ARHGEF28: variants seen among roughly 807,000 people sequenced by gnomAD.
ARHGEF28 encodes the protein Rho guanine nucleotide exchange factor 28.
ARHGEF28 carries 152 observed loss-of-function variants against 206.6 expected under a neutral mutation model. That is an observed-to-expected ratio of 0.74 (90% confidence interval 0.64 to 0.84). The LOEUF (loss-of-function observed/expected upper bound fraction) is 0.84. Among genes scored for constraint, ARHGEF28 ranks in the 40% least tolerant of loss-of-function variants. ARHGEF28 has a pLI of 0.00. For synonymous variants in ARHGEF28, 763 were observed against 776.4 expected, an observed-to-expected ratio of 0.98 and a Z score of 0.29; for missense variants, 2,028 against 2,073.2, an observed-to-expected ratio of 0.98 and a Z score of 0.42.
intron 2 of ARHGEF28, among the ~76,000 whole-genome samples, chr5:73,713,280 T>G (rs947796233): frequency 2.6e-5 from 4 of 152,220 alleles, no homozygotes; most frequent in African/African-American, 9.6e-5. Flanking sequence ...TCCTAGGTCT[T>G]CTCTCTATTT....
intron 2 of ARHGEF28, among the ~76,000 whole-genome samples, chr5:73,694,396 C>T (rs1490349752): frequency 1.3e-5 from 2 of 152,202 alleles, no homozygotes; most frequent in East Asian, 3.9e-4. Flanking sequence ...TCAGTGACAG[C>T]TCCCACAATT....
At chr5:73,647,590 C>T (rs926128302) in intron 1 of ARHGEF28, among the ~76,000 whole-genome samples, 1 of 152,218 alleles carries the variant, frequency 6.6e-6, no homozygotes, top group Non-Finnish European at 1.5e-5. Flanking sequence ...GTATTTTTAA[C>T]CTACTATATC....
At position 73,879,498 on chromosome 5, in the gene ARHGEF28, G is replaced by A. The variant is rs576538152; in HGVS notation, c.2815-2974G>A. On this transcript the variant is annotated intron_variant, in intron 22 of 35. Coordinates refer to ENST00000513042, the MANE Select transcript of ARHGEF28 (RefSeq NM_001177693.2). ...TGCATTCCTTTGGAGGAGGAGAGGC[G>A]CTCTGCTTTTTAGAGTTTCCAGTTT... 2.9e-3 allele frequency among the ~76,000 whole-genome samples: 435 copies of A among 152,308 alleles called. 1 individual carries two copies. The highest frequency in any genetic ancestry group is 6.8e-3 in the Middle Eastern group (2 of 294).
chr5:73,860,161 GTTC>G lies in ARHGEF28; in HGVS notation c.2047+1945_2047+1947del, dbSNP rs1759308565. On this transcript the variant is annotated intron_variant, in intron 16 of 35. Transcript: ENST00000513042. ...TAATACTGGGTACGCGCAGAAATTAGTTCTTGGGCACTTGTTCATTTTTCCTTG... is the reference window on the plus strand; with the variant it reads ...TAATACTGGGTACGCGCAGAAATTAGTTGGGCACTTGTTCATTTTTCCTTG... Among the ~76,000 whole-genome samples the G allele has an allele frequency of 2.0e-5, 3 of 152,240 alleles. No homozygotes were observed. In the South Asian group the frequency reaches 6.2e-4, roughly 32 times the overall value.
chr5:73,681,687 TG>T (rs1232498060), intron 1 of ARHGEF28, among the ~76,000 whole-genome samples: 1 of 152,054 alleles, frequency 6.6e-6, no homozygotes, highest in Non-Finnish European at 1.5e-5. Flanking sequence ...TGGTGGTGCA[TG>T]CCTGTAATAC....
chr5:73,684,999 C>G (rs1427552779), intron 2 of ARHGEF28, 115 bp downstream of exon 2: 9 of 1,083,246 alleles, frequency 8.3e-6, no homozygotes, highest in Non-Finnish European at 1.2e-5. Context: ...TTTTTAAAAA[C>G]AACACACTGA....
intron 4 of ARHGEF28, among the ~76,000 whole-genome samples, chr5:73,759,266 T>C (rs1752477315): frequency 6.6e-6 from 1 of 152,140 alleles, no homozygotes. Flanking sequence ...ATCCAGAAAT[T>C]AGAGAAATGA....
intron 22 of ARHGEF28, among the ~76,000 whole-genome samples, chr5:73,882,073 G>A (rs1373574880): frequency 9.1e-6 from 1 of 110,152 alleles, no homozygotes; most frequent in Non-Finnish European, 1.9e-5. Flanking sequence ...AATGTCAAAT[G>A]AGTGATTTTT....
chr5:73,870,063 C>T lies in ARHGEF28; in HGVS notation c.2426-6C>T, dbSNP rs372771145. The T allele has an allele frequency of 6.2e-7, 1 of 1,611,060 alleles. No homozygotes were observed. Among genetic ancestry groups the T allele is most frequent in the African/African-American group, 1.3e-5 (1 of 74,616 alleles). Reference sequence around the variant, plus strand: ...TTCTGGCTTTTCTTTTCTAAACACACATTAGATGTTGTGGATTCTTCTCTG... The same window carrying T: ...TTCTGGCTTTTCTTTTCTAAACACATATTAGATGTTGTGGATTCTTCTCTG... On this transcript the variant is annotated splice_region_variant and splice_polypyrimidine_tract_variant and intron_variant, in intron 20 of 35. Transcript: ENST00000513042.
intron 31 of ARHGEF28, chr5:73,902,410 G>A (rs1762321153): frequency 1.3e-5 from 2 of 152,180 alleles, no homozygotes; most frequent in Non-Finnish European, 2.9e-5. Context: ...AAGTTGGGTG[G>A]CTCCTACCCC....
At position 73,831,938 on chromosome 5, in the gene ARHGEF28, G is replaced by T. The variant is rs553769373; in HGVS notation, c.1025-400G>T. On this transcript the variant is annotated intron_variant, in intron 9 of 35. Transcript: ENST00000513042. ...GCTCCCAACCTCAGGTGATCTGCCC[G>T]CCTTGGCTTCCCAAAGTGCTGGGAT... 6.6e-5 allele frequency among the ~76,000 whole-genome samples: 10 copies of T among 152,284 alleles called. 1 individual carries two copies. In the South Asian group the frequency reaches 2.1e-3, roughly 32 times the overall value.
intron 9 of ARHGEF28, among the ~76,000 whole-genome samples, chr5:73,797,183 GT>G (rs895501455): frequency 3.3e-5 from 5 of 152,148 alleles, no homozygotes; most frequent in Admixed American, 1.3e-4. Flanking sequence ...CATGATGAGT[GT>G]TTGTTGTGCT....
intron 35 of ARHGEF28, among the ~76,000 whole-genome samples, chr5:73,918,739 C>T (rs1236357119): frequency 6.6e-6 from 1 of 152,120 alleles, no homozygotes; most frequent in Non-Finnish European, 1.5e-5. Flanking sequence ...CACCCTCTGA[C>T]TGTGCAGCTA....
intron 9 of ARHGEF28, chr5:73,813,530 G>C (rs531838257): frequency 1.3e-6 from 2 of 1,529,054 alleles, no homozygotes; most frequent in Middle Eastern, 1.7e-4. Context: ...GGCTGGGGAC[G>C]CCCCGAGTTC....
In ARHGEF28 at chr5:73,894,457, TG is replaced by T. The variant is rs769982701; in HGVS notation, c.3724del (p.Glu1242AsnfsTer5). 3.1e-6 allele frequency: 5 copies of T among 1,613,688 alleles called. No homozygotes were observed. Among genetic ancestry groups the T allele is most frequent in the Non-Finnish European group, 4.2e-6 (5 of 1,179,854 alleles). On this transcript the variant is annotated frameshift_variant, in exon 29 of 36. Transcript: ENST00000513042. LOFTEE classifies it high-confidence loss of function. ...YLEEKLHIYAELGELSGFEDV... is the reference protein window; with the variant it reads ...YLEEKLHIYAXLGELSGFEDV... ...TGGAGGAGAAGCTGCATATCTATGC[TG>T]AACTTGGAGAACTGAGCGGATTTGA... is the stretch of plus-strand genomic sequence containing the variant.
At chr5:73,806,655 C>A (rs1294725223) in intron 9 of ARHGEF28, among the ~76,000 whole-genome samples, 4 of 132,730 alleles carry the variant, frequency 3.0e-5, no homozygotes, top group Non-Finnish European at 4.8e-5. Flanking sequence ...TAGTATATAT[C>A]GTATACATCT....
At chr5:73,807,036 G>GT (rs35751176) in intron 9 of ARHGEF28, among the ~76,000 whole-genome samples, 120 of 132,056 alleles carry the variant, frequency 9.1e-4, no homozygotes, top group Middle Eastern at 4.1e-3. Context: ...CATGTAAGAG[G>GT]TTTTTTTTTT....
intron 7 of ARHGEF28, among the ~76,000 whole-genome samples, chr5:73,792,914 A>G (rs534495436): frequency 3.4e-4 from 51 of 152,098 alleles, no homozygotes; most frequent in Non-Finnish European, 6.2e-4. Context: ...ACCTCTGGCA[A>G]TGTTACTCTG....
chr5:73,891,574 C>G (rs1761633693), intron 26 of ARHGEF28, among the ~76,000 whole-genome samples: 1 of 151,064 alleles, frequency 6.6e-6, no homozygotes, highest in Non-Finnish European at 1.5e-5. Flanking sequence ...GAGTCTTGCT[C>G]TGTTGCCCAG....
Sources: allele counts gnomAD v4.1 joint callset (sites outside exome capture counted in the v4.1 genomes callset), GRCh38; gene constraint gnomAD v4.1.1; transcripts MANE v1.5; gene names NCBI Gene and HGNC (gene_info 2026-07-23, HGNC 2026-07-21).